ZNF202: variants seen among roughly 807,000 people sequenced by gnomAD.
ZNF202 encodes zinc finger protein with KRAB and SCAN domains 10.
Under a neutral mutation model 54.5 loss-of-function variants are expected in ZNF202, and 22 were observed. The observed-to-expected ratio is 0.40, with a 90% CI of 0.29 to 0.58. The LOEUF is 0.58. ZNF202 is among the 20% of genes least tolerant of loss of function. ZNF202 has a pLI of 0.39. For missense variants in ZNF202, 644 were observed against 805.5 expected (o/e 0.80, Z 2.43); for synonymous variants, 294 against 301.4 (o/e 0.98, Z 0.26).
chr11:123,725,761 AAGG>A lies in ZNF202; in HGVS notation c.*233_*235del, dbSNP rs1861102573. ...AGGTAGAGGCAGGTGCACTCCAGTG[AAGG>A]AGAAGCCTCAATTCAGGTTGTACTT... On this transcript the variant is annotated 3_prime_UTR_variant, in exon 9 of 9. Coordinates refer to ENST00000530393, the MANE Select transcript of ZNF202 (RefSeq NM_003455.4). 3 of 521,044 alleles carry A rather than the reference AAGG, an allele frequency of 5.8e-6. No individual in the cohort carries two copies. The highest frequency in any genetic ancestry group is 1.0e-5 in the Non-Finnish European group (3 of 296,496). 32.3% of individuals were successfully genotyped at this position (521,044 alleles called of 1,614,324 possible).
chr11:123,731,031 T>A, intron 3 of ZNF202, 46 bp from the exon 4 acceptor site: 1 of 934,840 alleles, frequency 1.1e-6, no homozygotes, highest in Non-Finnish European at 1.6e-6. Flanking sequence ...CATGAAACTA[T>A]ACACAAGGAC....
Position 123,729,718 on chromosome 11 carries a change from G to A in ZNF202, c.510C>T (p.Thr170=). 1.2e-6 allele frequency: 2 copies of A among 1,613,946 alleles called. No homozygotes were observed. The highest frequency in any genetic ancestry group is 8.5e-7 in the Non-Finnish European group (1 of 1,179,970). Residue 170 remains threonine, a synonymous_variant, in exon 5 of 9, where the codon ACC becomes ACT. Transcript: ENST00000530393. ...NELQDPVQSS[T]PEQSPEETTQ... ...TGGTTTCCTCAGGAGACTGCTCGGG[G>A]GTCGAGCTTTGCACAGGATCCTGCA... is the stretch of plus-strand genomic sequence containing the variant.
At chr11:123,739,919 C>G (rs1012216284) in intron 3 of ZNF202, among the ~76,000 whole-genome samples, 198 bp downstream of exon 3, 2 of 152,168 alleles carry the variant, frequency 1.3e-5, no homozygotes, top group African/African-American at 4.8e-5. Context: ...TTAACTAGCC[C>G]TTCAGGTGCT....
At position 123,725,965 on chromosome 11, in the gene ZNF202, C is replaced by A; in HGVS notation, c.*32G>T. 1 of 1,581,912 alleles carries A rather than the reference C, an allele frequency of 6.3e-7. No individual in the cohort carries two copies. Among genetic ancestry groups the A allele is most frequent in the Non-Finnish European group, 8.6e-7 (1 of 1,163,412 alleles). ...CTTCCTCACCTCCCTTAGGTGAGGG[C>A]TGAAAGCAGATCTCCTCACATGGGG... On this transcript the variant is annotated 3_prime_UTR_variant, in exon 9 of 9. Coordinates refer to ENST00000530393, the MANE Select transcript of ZNF202 (RefSeq NM_003455.4).
At position 123,730,966 on chromosome 11, in the gene ZNF202, A is replaced by C; in HGVS notation, c.-78T>G. ...CCCCCGCCTCAGCCTGGACACAGCG[A>C]GGATTTTCTTCCAAGGGCCCTGGAT... On this transcript the variant is annotated 5_prime_UTR_variant, in exon 4 of 9. Coordinates refer to ENST00000530393, the MANE Select transcript of ZNF202 (RefSeq NM_003455.4). The surrounding 1 kb of genome is among the most constrained non-coding windows in gnomAD (Gnocchi z 6.0). The C allele has an allele frequency of 6.6e-7, 1 of 1,514,192 alleles. No homozygotes were observed. Among genetic ancestry groups the C allele is most frequent in the Non-Finnish European group, 8.8e-7 (1 of 1,130,640 alleles). The allele number at this position is 1,514,192 out of a possible 1,614,324, so 93.8% of individuals were successfully genotyped here. A position where few individuals can be genotyped will look rare whatever the true frequency, so the allele number is the denominator to read the frequency against.
rs1182149350 is a variant in ZNF202, at chr11:123,730,946, G to A, written c.-58C>T. 13 of 1,549,776 alleles carry A rather than the reference G, an allele frequency of 8.4e-6. No homozygotes were observed. Among genetic ancestry groups the A allele is most frequent in the East Asian group, 6.8e-5 (3 of 44,344 alleles). On this transcript the variant is annotated 5_prime_UTR_variant, in exon 4 of 9. Coordinates refer to ENST00000530393, the MANE Select transcript of ZNF202 (RefSeq NM_003455.4). This position sits in a 1 kb window ranked among gnomAD's most constrained non-coding sequence, Gnocchi z 6.0. The stretch of plus-strand genomic sequence containing the variant: ...GAGCTCACACTGTCATTAGCCCCCC[G>A]CCTCAGCCTGGACACAGCGAGGATT...
intron 3 of ZNF202, among the ~76,000 whole-genome samples, chr11:123,735,038 T>C (rs1019305172): frequency 7.9e-5 from 12 of 152,064 alleles, no homozygotes; most frequent in African/African-American, 2.7e-4. Context: ...TCATTTTCCA[T>C]TGAGGATTTA....
intron 7 of ZNF202, 88 bp from the exon 8 acceptor site, chr11:123,727,683 G>A: frequency 5.9e-6 from 9 of 1,532,008 alleles, no homozygotes; most frequent in Non-Finnish European, 8.0e-6. Context: ...GTAGGTTGTG[G>A]GGCAAATACA....
chr11:123,726,160 C>A lies in ZNF202; in HGVS notation c.1784G>T (p.Cys595Phe). 6.2e-7 allele frequency: 1 copy of A among 1,614,234 alleles called. No individual in the cohort carries two copies. Among genetic ancestry groups the A allele is most frequent in the Non-Finnish European group, 8.5e-7 (1 of 1,180,046 alleles). Residue 595 changes from cysteine (C) to phenylalanine (F), a missense_variant, in exon 9 of 9, where the codon TGC becomes TTC. Coordinates refer to ENST00000530393, the MANE Select transcript of ZNF202 (RefSeq NM_003455.4). The surrounding 1 kb of genome is among the most constrained non-coding windows in gnomAD (Gnocchi z 6.0). ...ACTGAAGCTCTTCCCACATTCGTTG[C>A]ATCGGCAGGGCCTCACTGAGGCGTG... ...RGHASVRPCR[C>F]NECGKSFSRR...
intron 3 of ZNF202, among the ~76,000 whole-genome samples, chr11:123,734,141 C>CA (rs1861534551): frequency 6.6e-6 from 1 of 151,992 alleles, no homozygotes; most frequent in Non-Finnish European, 1.5e-5. Flanking sequence ...CAGGGAGAGA[C>CA]AGACACACAG....
chr11:123,728,095 TG>T lies in ZNF202; in HGVS notation c.832+37del, dbSNP rs779071604. The T allele has an allele frequency of 8.2e-6, 13 of 1,584,964 alleles. 1 individual carries two copies. The South Asian group carries it at 1.5e-4, about 18-fold the overall frequency. On this transcript the variant is annotated intron_variant, in intron 7 of 8. Coordinates refer to ENST00000530393, the MANE Select transcript of ZNF202 (RefSeq NM_003455.4). The stretch of plus-strand genomic sequence containing the variant: ...AAATTTCCAGCAGGAAAAAGATCTC[TG>T]GGCTTAGAACACTCTAGAATACTTG...
intron 1 of ZNF202, among the ~76,000 whole-genome samples, chr11:123,740,815 A>G (rs1392562173): frequency 6.6e-6 from 1 of 152,184 alleles, no homozygotes; most frequent in Non-Finnish European, 1.5e-5. Flanking sequence ...TAATCAAGAC[A>G]CTCAAGAAGT....
chr11:123,727,240 C>A (rs1423603278), intron 8 of ZNF202, among the ~76,000 whole-genome samples: 1 of 152,192 alleles, frequency 6.6e-6, no homozygotes, highest in Non-Finnish European at 1.5e-5. Flanking sequence ...GGTATAGCTG[C>A]AATTCCAAAA....
At chr11:123,735,162 G>A (rs1861579001) in intron 3 of ZNF202, among the ~76,000 whole-genome samples, 1 of 152,136 alleles carries the variant, frequency 6.6e-6, no homozygotes, top group Non-Finnish European at 1.5e-5. Context: ...CTGGAAGACA[G>A]AATTAATACA....
At chr11:123,733,118 C>T (rs1475821423) in intron 3 of ZNF202, among the ~76,000 whole-genome samples, 1 of 152,182 alleles carries the variant, frequency 6.6e-6, no homozygotes, top group Non-Finnish European at 1.5e-5. Context: ...AGCTTAAGGG[C>T]TCCATCATTT....
chr11:123,730,446 T>TC lies in ZNF202; in HGVS notation c.402+40dup. 1 of 1,485,082 alleles carries TC rather than the reference T, an allele frequency of 6.7e-7. No individual in the cohort carries two copies. Among genetic ancestry groups the TC allele is most frequent in the Non-Finnish European group, 8.9e-7 (1 of 1,118,930 alleles). The allele number at this position is 1,485,082 out of a possible 1,614,324, so 92.0% of individuals were successfully genotyped here. A position where few individuals can be genotyped will look rare whatever the true frequency, so the allele number is the denominator to read the frequency against. On this transcript the variant is annotated intron_variant, in intron 4 of 8. Coordinates refer to ENST00000530393, the MANE Select transcript of ZNF202 (RefSeq NM_003455.4). This position sits in a 1 kb window ranked among gnomAD's most constrained non-coding sequence, Gnocchi z 6.0. ...GCAAATCCAGCCTTCCAGCAAATAG[T>TC]CCCCCTCCACATCACACAGATCAGG...
In ZNF202 at chr11:123,739,770, G is replaced by T. The variant is rs143395622; in HGVS notation, c.-98+347C>A. Among the ~76,000 whole-genome samples, 121 of 152,230 alleles carry T rather than the reference G, an allele frequency of 7.9e-4. 1 individual carries two copies. Among genetic ancestry groups the T allele is most frequent in the African/African-American group, 2.7e-3 (113 of 41,558 alleles). ...TACTGCAATACATATATCACATTTG[G>T]CCAAAAGGTAGTTGTTCTCAAAGTG... On this transcript the variant is annotated intron_variant, in intron 3 of 8. Coordinates refer to ENST00000530393, the MANE Select transcript of ZNF202 (RefSeq NM_003455.4).
chr11:123,734,116 A>AGAGAGACAGACACACAGG (rs1362193081), intron 3 of ZNF202, among the ~76,000 whole-genome samples: 19 of 152,168 alleles, frequency 1.2e-4, no homozygotes, highest in South Asian at 1.0e-3. Flanking sequence ...AGAGAGAGAG[A>AGAGAGACAGACACACAGG]GAGAGACAGA....
At chr11:123,729,497 A>G in intron 5 of ZNF202, 118 bp downstream of exon 5, 1 of 1,239,394 alleles carries the variant, frequency 8.1e-7, no homozygotes, top group Non-Finnish European at 1.1e-6. Context: ...GGATTCTGTG[A>G]TGTCTTTCCA....
Sources: allele counts gnomAD v4.1 joint callset (sites outside exome capture counted in the v4.1 genomes callset), GRCh38; gene constraint gnomAD v4.1.1; non-coding constraint Gnocchi (gnomAD v3.1); transcripts MANE v1.5; gene names NCBI Gene and HGNC (gene_info 2026-07-23, HGNC 2026-07-21).